The following ARNT2 variants were observed in gnomAD, a reference collection of about 807,000 sequenced individuals.
ARNT2 encodes the protein aryl hydrocarbon receptor nuclear translocator 2.
In ARNT2, 36 loss-of-function variants were observed where a neutral mutation model predicts 91.7. The observed-to-expected ratio is 0.39, with a 90% CI of 0.30 to 0.52. The LOEUF is 0.52. Among genes scored for constraint, ARNT2 ranks in the 20% least tolerant of loss-of-function variants. The probability of loss-of-function intolerance (pLI) is 0.72; values close to 1 mark genes in which losing one functional copy is unlikely to be tolerated. For missense variants in ARNT2, 775 were observed against 939.3 expected (o/e 0.83, Z 2.29); for synonymous variants, 365 against 347.1 (o/e 1.05, Z -0.57).
chr15:80,514,227 A>G, intron 7 of ARNT2, 93 bp from the exon 8 acceptor site: 1 of 1,330,902 alleles, frequency 7.5e-7, no homozygotes, highest in Non-Finnish European at 1.1e-6. Context: ...AAGGCAGACA[A>G]GGGAACCCAG....
chr15:80,545,109 T>C (rs531387741), intron 8 of ARNT2, among the ~76,000 whole-genome samples: 2 of 152,366 alleles, frequency 1.3e-5, no homozygotes, highest in South Asian at 4.1e-4. Context: ...TGTGGAATCC[T>C]ATCTTCCTTC....
At chr15:80,485,276 C>A (rs538518823) in intron 5 of ARNT2, among the ~76,000 whole-genome samples, 2 of 152,308 alleles carry the variant, frequency 1.3e-5, no homozygotes, top group East Asian at 3.9e-4. Context: ...GCTTGAGAAT[C>A]CCCATTGCAG....
intron 8 of ARNT2, among the ~76,000 whole-genome samples, chr15:80,515,259 T>A (rs989261143): frequency 6.6e-6 from 1 of 152,218 alleles, no homozygotes; most frequent in African/African-American, 2.4e-5. Context: ...TTTTCACTCC[T>A]AAATATACAA....
chr15:80,575,976 C>T (rs1194120725), intron 14 of ARNT2, among the ~76,000 whole-genome samples: 1 of 152,228 alleles, frequency 6.6e-6, no homozygotes, highest in Non-Finnish European at 1.5e-5. Flanking sequence ...TGTTTGCTCC[C>T]TTAATCAGGC....
chr15:80,415,407 A>AT (rs1215608372), intron 1 of ARNT2, among the ~76,000 whole-genome samples: 38 of 152,366 alleles, frequency 2.5e-4, no homozygotes, highest in African/African-American at 9.1e-4. Context: ...CCTGTGTGGC[A>AT]GGAGAGTCGG....
chr15:80,509,832 T>A (rs1335179027), intron 6 of ARNT2, among the ~76,000 whole-genome samples: 1 of 152,190 alleles, frequency 6.6e-6, no homozygotes, highest in African/African-American at 2.4e-5. Flanking sequence ...AGTGAGAAGG[T>A]CCTTGTCTCA....
At chr15:80,590,278 T>A (rs1276141440) in intron 17 of ARNT2, among the ~76,000 whole-genome samples, 1 of 152,184 alleles carries the variant, frequency 6.6e-6, no homozygotes, top group Non-Finnish European at 1.5e-5. Context: ...TGGTACTGAA[T>A]GATTTGAAAC....
At chr15:80,467,963 A>G (rs985433576) in intron 3 of ARNT2, among the ~76,000 whole-genome samples, 15 of 152,228 alleles carry the variant, frequency 9.9e-5, no homozygotes, top group African/African-American at 3.4e-4. Flanking sequence ...AAATAACTCA[A>G]CAATCTCTAA....
intron 1 of ARNT2, chr15:80,433,721 G>T (rs1331724806): frequency 4.6e-5 from 7 of 152,266 alleles, no homozygotes; most frequent in Non-Finnish European, 7.4e-5. Flanking sequence ...CTCACAAAAG[G>T]CAGGTTAATT....
chr15:80,446,132 C>T (rs1024634640), intron 1 of ARNT2, among the ~76,000 whole-genome samples: 3 of 151,966 alleles, frequency 2.0e-5, no homozygotes, highest in Non-Finnish European at 4.4e-5. Context: ...CCCCATTTTG[C>T]AGATAGAAAA....
chr15:80,408,609 C>T (rs575399251), intron 1 of ARNT2, among the ~76,000 whole-genome samples: 135 of 152,272 alleles, frequency 8.9e-4, no homozygotes, highest in African/African-American at 3.1e-3. Context: ...GCCTTTGAGA[C>T]GTGTGCGCTA....
intron 5 of ARNT2, among the ~76,000 whole-genome samples, chr15:80,476,946 C>T (rs1042250498): frequency 2.6e-5 from 4 of 152,108 alleles, no homozygotes; most frequent in Admixed American, 2.0e-4. Context: ...GGGGTGGGTT[C>T]GCCTGAATGG....
chr15:80,490,100 C>G (rs1897033833), intron 5 of ARNT2, among the ~76,000 whole-genome samples: 1 of 151,982 alleles, frequency 6.6e-6, no homozygotes, highest in Non-Finnish European at 1.5e-5. Flanking sequence ...GTAAGCACTC[C>G]CAGGAGAAAG....
chr15:80,426,349 AC>A (rs1326862435), intron 1 of ARNT2, among the ~76,000 whole-genome samples: 2 of 152,220 alleles, frequency 1.3e-5, no homozygotes, highest in East Asian at 3.8e-4. Flanking sequence ...CTTCTTAACC[AC>A]ACCATGGTCC....
chr15:80,412,596 G>A (rs1271737146), intron 1 of ARNT2, among the ~76,000 whole-genome samples: 1 of 151,960 alleles, frequency 6.6e-6, no homozygotes, highest in African/African-American at 2.4e-5. Flanking sequence ...ATCCTATCAA[G>A]GATACTGATT....
At position 80,591,443 on chromosome 15, in the gene ARNT2, T is replaced by C; in HGVS notation, c.1919-125T>C. Reference sequence around the variant, plus strand: ...AGAAAGACGAGGATAGCAAACACATTCCGCCAGCTCTGGATGGAACGTGCC... The same window carrying C: ...AGAAAGACGAGGATAGCAAACACATCCCGCCAGCTCTGGATGGAACGTGCC... On this transcript the variant is annotated intron_variant, in intron 17 of 18. Transcript: ENST00000303329. The surrounding 1 kb of genome is among the most constrained non-coding windows in gnomAD (Gnocchi z 5.1). 4.8e-6 allele frequency: 6 copies of C among 1,240,274 alleles called. No homozygotes were observed. The highest frequency in any genetic ancestry group is 6.9e-6 in the Non-Finnish European group (6 of 867,262). The allele number at this position is 1,240,274 out of a possible 1,614,324, so 76.8% of individuals were successfully genotyped here.
chr15:80,575,184 A>G (rs760515215), intron 14 of ARNT2, 74 bp downstream of exon 14: 2 of 1,574,566 alleles, frequency 1.3e-6, no homozygotes, highest in Non-Finnish European at 1.7e-6. Flanking sequence ...ACAGACAGCT[A>G]CTCTTAGTAA....
chr15:80,441,606 G>C (rs573540503), intron 1 of ARNT2, among the ~76,000 whole-genome samples: 46 of 152,280 alleles, frequency 3.0e-4, no homozygotes, highest in Admixed American at 3.0e-3. Flanking sequence ...AAGATCAGGG[G>C]ATATTTTTCT....
At chr15:80,531,764 C>T (rs937424034) in intron 8 of ARNT2, among the ~76,000 whole-genome samples, 1 of 152,190 alleles carries the variant, frequency 6.6e-6, no homozygotes, top group African/African-American at 2.4e-5. Context: ...GGAGTTTGGA[C>T]TCATTGAATG....
Sources: gnomAD v4.1 joint callset for allele counts (sites outside exome capture counted in the v4.1 genomes callset) on GRCh38, gnomAD v4.1.1 for gene constraint, Gnocchi (gnomAD v3.1) non-coding constraint, MANE v1.5 for transcripts, NCBI Gene and HGNC (gene_info 2026-07-23, HGNC 2026-07-21) for gene names.